RNASE10: variants seen among roughly 807,000 people sequenced by gnomAD.
RNASE10 encodes the protein inactive ribonuclease-like protein 10.
Under a neutral mutation model 1.1 loss-of-function variants are expected in RNASE10, and 2 were observed. That is an observed-to-expected ratio of 1.82 (90% CI 0.74 to 5.73). RNASE10 has a LOEUF of 5.73. Among genes scored for constraint, RNASE10 ranks in the 30% most tolerant of loss-of-function variants. RNASE10 has a pLI of 0.05. For missense variants in RNASE10, 276 were observed against 263.4 expected, an observed-to-expected ratio of 1.05 and a Z score of -0.33; for synonymous variants, 97 against 96.2, an observed-to-expected ratio of 1.01 and a Z score of -0.05.
At chr14:20,505,317 T>G (rs1444770358), upstream of RNASE10, among the ~76,000 whole-genome samples, 1 of 52,190 alleles carries the variant, frequency 1.9e-5, no homozygotes, top group Non-Finnish European at 3.4e-5. Flanking sequence ...CCTCTCCCTC[T>G]CCCTCTCCCT....
At chr14:20,506,472 C>A in intron 1 of RNASE10, among the ~76,000 whole-genome samples, 1 of 134,344 alleles carries the variant, frequency 7.4e-6, no homozygotes, top group Non-Finnish European at 1.6e-5. Context: ...GCCAGCCGCC[C>A]CGTCCGGGAG....
At chr14:20,504,557 G>C (rs1249599684), upstream of RNASE10, among the ~76,000 whole-genome samples, 1 of 150,418 alleles carries the variant, frequency 6.6e-6, no homozygotes, top group Non-Finnish European at 1.5e-5. Context: ...GCGCGGTGGC[G>C]GGCGCCTGTA....
chr14:20,509,530 C>A (rs1262529518), intron 1 of RNASE10, among the ~76,000 whole-genome samples: 1 of 152,188 alleles, frequency 6.6e-6, no homozygotes, highest in African/African-American at 2.4e-5. Flanking sequence ...TAGCAGGGGC[C>A]TGAGATGTAA....
At chr14:20,504,639 G>C (rs1034309939), upstream of RNASE10, among the ~76,000 whole-genome samples, 7 of 136,902 alleles carry the variant, frequency 5.1e-5, no homozygotes, top group African/African-American at 2.0e-4. Flanking sequence ...AGTGAGCCGA[G>C]ATCGCGCCAC....
At chr14:20,506,627 GC>G (rs1403831978) in intron 1 of RNASE10, among the ~76,000 whole-genome samples, 4 of 99,892 alleles carry the variant, frequency 4.0e-5, no homozygotes, top group Non-Finnish European at 7.9e-5. Flanking sequence ...GGGGGGATCA[GC>G]CCCCCGCCTG....
At chr14:20,504,284 C>T (rs1053280398), upstream of RNASE10, among the ~76,000 whole-genome samples, 2 of 152,176 alleles carry the variant, frequency 1.3e-5, no homozygotes, top group African/African-American at 2.4e-5. Flanking sequence ...AAGAAGGAAA[C>T]CCTGGGAGGG....
chr14:20,506,951 C>A (rs1882750583), intron 1 of RNASE10, among the ~76,000 whole-genome samples: 1 of 142,108 alleles, frequency 7.0e-6, no homozygotes, highest in Non-Finnish European at 1.5e-5. Context: ...GGGGGGTCAG[C>A]CCCCCGCCCG....
downstream of RNASE10, among the ~76,000 whole-genome samples, chr14:20,512,851 G>A (rs890424031): frequency 1.3e-5 from 2 of 152,120 alleles, no homozygotes; most frequent in Admixed American, 6.6e-5. Context: ...ATCCCTCTCC[G>A]GGGAAAGAGA....
downstream of RNASE10, among the ~76,000 whole-genome samples, chr14:20,513,352 G>T (rs552912921): frequency 6.6e-6 from 1 of 152,248 alleles, no homozygotes; most frequent in African/African-American, 2.4e-5. Context: ...GGGTGACAAG[G>T]CATTGTGGGG....
chr14:20,504,352 A>G (rs557340487), upstream of RNASE10, among the ~76,000 whole-genome samples: 115 of 152,310 alleles, frequency 7.6e-4, 1 homozygote, highest in African/African-American at 2.7e-3. Context: ...GCATGTACGT[A>G]AGTCACAGAG....
intron 1 of RNASE10, among the ~76,000 whole-genome samples, 162 bp downstream of exon 1, chr14:20,506,181 G>GT (rs1882703924): frequency 1.8e-5 from 2 of 113,302 alleles, no homozygotes; most frequent in African/African-American, 6.1e-5. Flanking sequence ...CGGGAGGGAG[G>GT]TGGGGGGGGG....
chr14:20,505,300 C>G (rs1401094906), upstream of RNASE10, among the ~76,000 whole-genome samples: 3 of 69,616 alleles, frequency 4.3e-5, no homozygotes, highest in Non-Finnish European at 8.5e-5. Flanking sequence ...CTCTCCCTCT[C>G]CCTCTCCCTC....
At chr14:20,512,527 G>A (rs1055638519), downstream of RNASE10, among the ~76,000 whole-genome samples, 5 of 152,164 alleles carry the variant, frequency 3.3e-5, no homozygotes, top group African/African-American at 9.7e-5. Context: ...AGGGAAGAAC[G>A]GTTTGCTTTA....
At chr14:20,511,169 CT>C, downstream of RNASE10, 6 of 1,335,526 alleles carry the variant, frequency 4.5e-6, no homozygotes, top group South Asian at 1.8e-5. Flanking sequence ...GTTCCTCTTC[CT>C]TTTTTACTTC....
At chr14:20,510,430 C>A in intron 1 of RNASE10, 37 bp from the exon 2 acceptor site, 1 of 1,573,488 alleles carries the variant, frequency 6.4e-7, no homozygotes, top group South Asian at 1.2e-5. Context: ...ATTTTGATCT[C>A]AAAGTCACGT....
intron 1 of RNASE10, among the ~76,000 whole-genome samples, chr14:20,506,474 G>A (rs1390877209): frequency 7.6e-6 from 1 of 131,208 alleles, no homozygotes; most frequent in Non-Finnish European, 1.7e-5. Context: ...CAGCCGCCCC[G>A]TCCGGGAGGG....
intron 1 of RNASE10, among the ~76,000 whole-genome samples, chr14:20,507,778 A>G (rs1476543564): frequency 1.3e-5 from 2 of 150,952 alleles, no homozygotes; most frequent in Non-Finnish European, 2.9e-5. Flanking sequence ...ATAGATTCTC[A>G]CTCCGGTTGC....
chr14:20,513,708 G>A (rs992599493), downstream of RNASE10, among the ~76,000 whole-genome samples: 3 of 152,192 alleles, frequency 2.0e-5, no homozygotes, highest in African/African-American at 7.2e-5. Flanking sequence ...GTCCTTCTAA[G>A]AGTGTGTTAG....
chr14:20,508,028 G>C (rs1882795069), intron 1 of RNASE10, among the ~76,000 whole-genome samples: 1 of 152,086 alleles, frequency 6.6e-6, no homozygotes, highest in African/African-American at 2.4e-5. Context: ...GGAATTGCAG[G>C]CATGAGCCAC....
Sources: allele counts gnomAD v4.1 joint callset (sites outside exome capture counted in the v4.1 genomes callset), GRCh38; gene constraint gnomAD v4.1.1; transcripts MANE v1.5; gene names NCBI Gene and HGNC (gene_info 2026-07-23, HGNC 2026-07-21).